PSD3: variants seen among roughly 807,000 people sequenced by gnomAD.
The protein encoded by PSD3 is PH and SEC7 domain-containing protein 3.
A neutral mutation model predicts 105.5 loss-of-function variants in PSD3; 49 were observed. That is an observed-to-expected ratio of 0.46 (90% CI 0.37 to 0.59). PSD3 has a LOEUF of 0.59. Among genes scored for constraint, PSD3 ranks in the 20% least tolerant of loss-of-function variants. The probability of loss-of-function intolerance (pLI) is 0.00; values close to 1 mark genes in which losing one functional copy is unlikely to be tolerated. For missense variants in PSD3, 1,561 were observed against 1,263.8 expected (o/e 1.24, Z -3.57); for synonymous variants, 557 against 457.8 (o/e 1.22, Z -2.77).
intron 1 of PSD3, among the ~76,000 whole-genome samples, chr8:18,943,088 A>C (rs1211802619): frequency 6.6e-6 from 1 of 152,320 alleles, no homozygotes; most frequent in Middle Eastern, 3.4e-3. Context: ...AGCTGTGTAC[A>C]TGAGAATCCT....
chr8:19,036,039 G>A lies in PSD3; in HGVS notation c.324+48167C>T, dbSNP rs114775649. On this transcript the variant is annotated intron_variant, in intron 1 of 1. Transcript: ENST00000521475. ...CAAAGTGCTGGGATTACAAGCATGA[G>A]TCACCATGCCCAGCCAAAAAAAATA... Among the ~76,000 whole-genome samples, 1,394 of 152,264 alleles carry A rather than the reference G, an allele frequency of 9.2e-3. 16 individuals carry two copies. The highest frequency in any genetic ancestry group is 0.031 in the African/African-American group (1,278 of 41,544).
At chr8:19,050,425 T>C (rs1529351) in intron 1 of PSD3, among the ~76,000 whole-genome samples, 14,558 of 152,114 alleles carry the variant, frequency 0.096, 1,975 homozygotes, top group African/African-American at 0.3. Flanking sequence ...AACAAAGACT[T>C]GGAACCAACC....
chr8:18,828,725 C>T (rs946507009), intron 4 of PSD3, among the ~76,000 whole-genome samples: 8 of 152,210 alleles, frequency 5.3e-5, no homozygotes, highest in South Asian at 2.1e-4. Context: ...TTTTGGGAGG[C>T]TGAGGCAAGC....
At chr8:18,798,654 A>C (rs1165667301) in intron 8 of PSD3, among the ~76,000 whole-genome samples, 1 of 152,018 alleles carries the variant, frequency 6.6e-6, no homozygotes, top group East Asian at 1.9e-4. Flanking sequence ...AATATGGACT[A>C]ATCTATACTT....
intron 9 of PSD3, among the ~76,000 whole-genome samples, chr8:18,710,523 A>C (rs147476476): frequency 0.019 from 2,890 of 152,250 alleles, 46 homozygotes; most frequent in Non-Finnish European, 0.028. Flanking sequence ...TGAGAAGAAC[A>C]ACTCTAAGAT....
At chr8:18,971,548 G>A (rs1243768712) in intron 1 of PSD3, among the ~76,000 whole-genome samples, 1 of 152,170 alleles carries the variant, frequency 6.6e-6, no homozygotes, top group African/African-American at 2.4e-5. Context: ...AGAGGTAGGG[G>A]AATGAGGCTG....
chr8:19,076,419 C>T (rs973584366), intron 1 of PSD3, among the ~76,000 whole-genome samples: 17 of 151,400 alleles, frequency 1.1e-4, no homozygotes, highest in African/African-American at 2.4e-4. Context: ...CAGAGGAAAC[C>T]GAAAAACTAC....
At chr8:18,801,215 T>C (rs1810649889) in intron 7 of PSD3, 55 bp downstream of exon 7, 1 of 1,112,932 alleles carries the variant, frequency 9.0e-7, no homozygotes, top group Admixed American at 2.3e-5. Flanking sequence ...ACTTTCATAA[T>C]AAGGAAAATA....
intron 15 of PSD3, among the ~76,000 whole-genome samples, chr8:18,552,429 A>G (rs1445400937): frequency 6.6e-6 from 1 of 152,232 alleles, no homozygotes; most frequent in African/African-American, 2.4e-5. Context: ...ACATAAAACC[A>G]AAACATTAGG....
chr8:18,546,024 G>C (rs1361030460), intron 15 of PSD3, among the ~76,000 whole-genome samples: 2 of 152,020 alleles, frequency 1.3e-5, no homozygotes, highest in African/African-American at 4.8e-5. Flanking sequence ...TTTTTGAGAT[G>C]GAGTCTCACT....
intron 9 of PSD3, among the ~76,000 whole-genome samples, chr8:18,671,620 TTTTG>T (rs1282299271): frequency 6.6e-6 from 1 of 151,072 alleles, no homozygotes; most frequent in Non-Finnish European, 1.5e-5. Context: ...CATCTCCTGA[TTTTG>T]TTTTTTTGTT....
intron 9 of PSD3, among the ~76,000 whole-genome samples, chr8:18,759,097 C>T (rs1458209955): frequency 2.0e-5 from 3 of 146,796 alleles, no homozygotes; most frequent in Non-Finnish European, 4.5e-5. Context: ...CACACACTCT[C>T]TCTCTCTCTC....
intron 1 of PSD3, among the ~76,000 whole-genome samples, chr8:19,061,812 A>G (rs1474308761): frequency 6.6e-6 from 1 of 152,072 alleles, no homozygotes; most frequent in African/African-American, 2.4e-5. Context: ...CTAAAAAAAA[A>G]AAAAAAATCA....
intron 1 of PSD3, among the ~76,000 whole-genome samples, chr8:19,006,243 A>C (rs1699232935): frequency 6.7e-6 from 1 of 149,392 alleles, no homozygotes; most frequent in South Asian, 2.2e-4. Flanking sequence ...CAGTGAGCCG[A>C]GATCACGCCA....
chr8:19,013,839 A>T (rs1423017804), upstream of PSD3, among the ~76,000 whole-genome samples: 1 of 99,206 alleles, frequency 1.0e-5, no homozygotes, highest in African/African-American at 3.7e-5. Context: ...CCGGGGGCGG[A>T]GGGCGGAGGG....
chr8:18,861,960 C>A (rs1249978529), intron 4 of PSD3, among the ~76,000 whole-genome samples: 1 of 152,112 alleles, frequency 6.6e-6, no homozygotes, highest in Non-Finnish European at 1.5e-5. Flanking sequence ...ATTCCACCTA[C>A]CACAGTGCAC....
intron 4 of PSD3, among the ~76,000 whole-genome samples, chr8:18,811,162 G>T (rs1015584545): frequency 6.6e-6 from 1 of 152,164 alleles, no homozygotes; most frequent in Non-Finnish European, 1.5e-5. Context: ...CAGCCTCTGG[G>T]CTTCTTCCTA....
At chr8:18,752,273 G>A (rs896640551) in intron 9 of PSD3, among the ~76,000 whole-genome samples, 11 of 150,070 alleles carry the variant, frequency 7.3e-5, no homozygotes, top group Admixed American at 4.0e-4. Flanking sequence ...GTGTTTTACG[G>A]AAAACTGAAA....
intron 12 of PSD3, among the ~76,000 whole-genome samples, chr8:18,584,754 T>A (rs960471521): frequency 3.3e-5 from 5 of 152,208 alleles, no homozygotes; most frequent in African/African-American, 1.2e-4. Context: ...GGGCTTTCTT[T>A]AATACGGGAA....
Sources: gnomAD v4.1 joint callset for allele counts (sites outside exome capture counted in the v4.1 genomes callset) on GRCh38, gnomAD v4.1.1 for gene constraint, MANE v1.5 for transcripts, NCBI Gene and HGNC (gene_info 2026-07-23, HGNC 2026-07-21) for gene names.